The following KCNH5 variants were observed in gnomAD, a reference collection of about 807,000 sequenced individuals.
KCNH5 encodes voltage-gated delayed rectifier potassium channel KCNH5.
KCNH5 carries 46 observed loss-of-function variants against 96.1 expected under a neutral mutation model. The ratio of observed to expected loss-of-function variants is 0.48; its 90% CI spans 0.38 to 0.61. The LOEUF is 0.61. Ranked by LOEUF, KCNH5 falls within the 20% of genes least tolerant of loss-of-function variation. KCNH5 has a pLI of 0.00. For synonymous variants in KCNH5, 439 were observed against 449.8 expected, an observed-to-expected ratio of 0.98 and a Z score of 0.30; for missense variants, 907 against 1,225.8, an observed-to-expected ratio of 0.74 and a Z score of 3.88.
At chr14:62,850,575 G>A (rs933338429) in intron 7 of KCNH5, among the ~76,000 whole-genome samples, 10 of 152,084 alleles carry the variant, frequency 6.6e-5, no homozygotes, top group African/African-American at 2.4e-4. Flanking sequence ...GGGGACTACA[G>A]GTGGTATAGG....
At chr14:62,955,873 A>G (rs1422556156) in intron 6 of KCNH5, among the ~76,000 whole-genome samples, 1 of 152,188 alleles carries the variant, frequency 6.6e-6, no homozygotes, top group Non-Finnish European at 1.5e-5. Context: ...AGGACACTGA[A>G]GATCAGACAG....
intron 10 of KCNH5, among the ~76,000 whole-genome samples, chr14:62,750,092 A>G (rs1235868507): frequency 1.3e-5 from 2 of 152,138 alleles, no homozygotes; most frequent in Admixed American, 6.6e-5. Flanking sequence ...GCATCTGGGT[A>G]TAGTCTGTTT....
Position 62,983,340 on chromosome 14 carries a change from T to A in KCNH5, c.550-2076A>T, listed in dbSNP as rs1320879714. ...AGTGAGCTGAGATCACACCACTCAC[T>A]GCACTCCAGCCTGGGTGACAGAGCG... On this transcript the variant is annotated intron_variant, in intron 5 of 10. Coordinates refer to ENST00000322893, the MANE Select transcript of KCNH5 (RefSeq NM_139318.5). Among the ~76,000 whole-genome samples the A allele has an allele frequency of 2.0e-5, 3 of 150,028 alleles. No homozygotes were observed. In the East Asian group the frequency reaches 5.9e-4, roughly 29 times the overall value.
At chr14:63,018,746 G>C (rs569321330) in intron 1 of KCNH5, among the ~76,000 whole-genome samples, 15 of 152,152 alleles carry the variant, frequency 9.9e-5, no homozygotes, top group African/African-American at 3.6e-4. Flanking sequence ...TTAAAAAAAT[G>C]TAATTCTCCT....
In KCNH5 at chr14:62,820,189, G is replaced by A. The variant is rs17100389; in HGVS notation, c.1570-17608C>T. ...GGGGGTATATAAAAGGAATGCTTGGGGAACAATGAGTTGGTTTACATAGGC... is the reference window on the plus strand; with the variant it reads ...GGGGGTATATAAAAGGAATGCTTGGAGAACAATGAGTTGGTTTACATAGGC... On this transcript the variant is annotated intron_variant, in intron 8 of 10. Transcript: ENST00000322893. 3.8e-3 allele frequency among the ~76,000 whole-genome samples: 578 copies of A among 152,062 alleles called. 8 individuals carry two copies. Among genetic ancestry groups the A allele is most frequent in the African/African-American group, 0.013 (535 of 41,458 alleles).
chr14:62,756,650 T>C (rs1184571048), intron 10 of KCNH5, among the ~76,000 whole-genome samples: 5 of 152,050 alleles, frequency 3.3e-5, no homozygotes, highest in African/African-American at 1.2e-4. Context: ...CATCCATACA[T>C]CTACAGTGAG....
intron 6 of KCNH5, among the ~76,000 whole-genome samples, chr14:62,964,366 A>G (rs151187786): frequency 1.8e-3 from 276 of 152,240 alleles, no homozygotes; most frequent in African/African-American, 6.6e-3. Context: ...AGCCCATTAC[A>G]TGCTTTCCAA....
At position 62,923,167 on chromosome 14, in the gene KCNH5, T is replaced by C. The variant is rs143093278; in HGVS notation, c.1369+26966A>G. Among the ~76,000 whole-genome samples, 83 of 152,026 alleles carry C rather than the reference T, an allele frequency of 5.5e-4. 1 individual carries two copies. The highest frequency in any genetic ancestry group is 3.4e-3 in the Middle Eastern group (1 of 294). On this transcript the variant is annotated intron_variant, in intron 7 of 10. Coordinates refer to ENST00000322893, the MANE Select transcript of KCNH5 (RefSeq NM_139318.5). Reference sequence around the variant, plus strand: ...CAAACAAAAATCAGTTGTGTTTCTATACACTAACAATGAATTATCCAAAAC... The same window carrying C: ...CAAACAAAAATCAGTTGTGTTTCTACACACTAACAATGAATTATCCAAAAC...
chr14:63,037,438 T>C (rs1321247669), intron 1 of KCNH5, among the ~76,000 whole-genome samples: 1 of 152,152 alleles, frequency 6.6e-6, no homozygotes, highest in East Asian at 1.9e-4. Flanking sequence ...GATAATTAAC[T>C]AGAAAGGGCA....
intron 7 of KCNH5, among the ~76,000 whole-genome samples, chr14:62,853,458 T>TATATATATATATATC (rs1887853310): frequency 2.3e-5 from 1 of 43,984 alleles, no homozygotes; most frequent in African/African-American, 7.8e-5. Context: ...AGAATAATCA[T>TATATATATATATATC]ATATATATAT....
intron 7 of KCNH5, among the ~76,000 whole-genome samples, chr14:62,916,170 G>T (rs1037727507): frequency 6.6e-6 from 1 of 151,706 alleles, no homozygotes; most frequent in Non-Finnish European, 1.5e-5. Flanking sequence ...GCCAGGATGG[G>T]CTCGATCTCC....
At chr14:63,017,424 G>T (rs905569588) in intron 1 of KCNH5, among the ~76,000 whole-genome samples, 1 of 151,644 alleles carries the variant, frequency 6.6e-6, no homozygotes, top group African/African-American at 2.4e-5. Context: ...CAATTTTTTT[G>T]TCCATTAGAC....
At chr14:62,915,268 C>T (rs1179015349) in intron 7 of KCNH5, among the ~76,000 whole-genome samples, 1 of 152,162 alleles carries the variant, frequency 6.6e-6, no homozygotes, top group Non-Finnish European at 1.5e-5. Context: ...TAAGTTCTTC[C>T]CTTCCTGTTT....
At chr14:62,738,634 G>A (rs188208740) in intron 10 of KCNH5, among the ~76,000 whole-genome samples, 11 of 152,122 alleles carry the variant, frequency 7.2e-5, no homozygotes, top group South Asian at 6.2e-4. Flanking sequence ...TGTTTATATC[G>A]CTATCAGATC....
intron 9 of KCNH5, among the ~76,000 whole-genome samples, chr14:62,801,429 T>C (rs1886657805): frequency 6.6e-6 from 1 of 151,278 alleles, no homozygotes; most frequent in African/African-American, 2.4e-5. Flanking sequence ...TTACTTCCTT[T>C]TATATCTGTG....
chr14:62,888,385 T>C (rs770708912), intron 7 of KCNH5, among the ~76,000 whole-genome samples: 8 of 152,158 alleles, frequency 5.3e-5, no homozygotes, highest in African/African-American at 9.7e-5. Flanking sequence ...TAGATGAAAT[T>C]TAACTTTGTT....
chr14:63,040,737 T>C (rs1478075859), intron 1 of KCNH5, among the ~76,000 whole-genome samples: 1 of 152,016 alleles, frequency 6.6e-6, no homozygotes, highest in Non-Finnish European at 1.5e-5. Context: ...CTCTTATAGG[T>C]TTCTTTTAAG....
intron 2 of KCNH5, among the ~76,000 whole-genome samples, chr14:63,016,234 C>T (rs1472779962): frequency 1.3e-5 from 2 of 151,766 alleles, no homozygotes; most frequent in Non-Finnish European, 2.9e-5. Context: ...GTTTCCTTTT[C>T]TTTTTTCTGA....
At chr14:62,911,622 C>G in intron 7 of KCNH5, among the ~76,000 whole-genome samples, 1 of 151,906 alleles carries the variant, frequency 6.6e-6, no homozygotes, top group East Asian at 1.9e-4. Context: ...ATCAATAAAA[C>G]AGAATACAAA....
Sources: allele counts gnomAD v4.1 joint callset (sites outside exome capture counted in the v4.1 genomes callset), GRCh38; gene constraint gnomAD v4.1.1; transcripts MANE v1.5; gene names NCBI Gene and HGNC (gene_info 2026-07-23, HGNC 2026-07-21).